The following PISD variants were observed in gnomAD, a reference collection of about 807,000 sequenced individuals.
The protein encoded by PISD is phosphatidylserine decarboxylase proenzyme, mitochondrial.
In PISD, 31 loss-of-function variants were observed where a neutral mutation model predicts 43.5. The observed-to-expected ratio is 0.71, with a 90% CI of 0.54 to 0.96. The LOEUF (loss-of-function observed/expected upper bound fraction) is 0.96. PISD is among the 40% of genes least tolerant of loss of function. The pLI, the probability that PISD is intolerant of heterozygous loss-of-function variation, is 0.00. For synonymous variants in PISD, 259 were observed against 228.7 expected (o/e 1.13, Z -1.20); for missense variants, 523 against 548.4 (o/e 0.95, Z 0.46).
chr22:31,662,537 C>G (rs1252203385), upstream of PISD: 5 of 390,088 alleles, frequency 1.3e-5, no homozygotes, highest in African/African-American at 2.1e-5. Context: ...CGAACTTGCT[C>G]ATTTTACGGA....
intron 3 of PISD, chr22:31,625,541 C>T (rs967711159): frequency 1.2e-5 from 7 of 593,848 alleles, no homozygotes; most frequent in African/African-American, 1.9e-5. Context: ...CTGGCAGCCT[C>T]CCCCTGCTGG....
At chr22:31,661,812 C>T (rs1409665916) in intron 1 of PISD, among the ~76,000 whole-genome samples, 1 of 152,124 alleles carries the variant, frequency 6.6e-6, no homozygotes, top group Non-Finnish European at 1.5e-5. Context: ...TCTACGAAAA[C>T]GAACACACGA....
intron 3 of PISD, among the ~76,000 whole-genome samples, chr22:31,634,539 C>G (rs1219512247): frequency 6.6e-6 from 1 of 152,184 alleles, no homozygotes; most frequent in African/African-American, 2.4e-5. Context: ...GGGTGGAATT[C>G]AGAAAAAGTG....
chr22:31,633,652 T>C (rs961418534), intron 3 of PISD, among the ~76,000 whole-genome samples: 1 of 151,072 alleles, frequency 6.6e-6, no homozygotes, highest in African/African-American at 2.4e-5. Flanking sequence ...GAGGTGGAGG[T>C]TGCAGTGAGC....
chr22:31,638,895 G>A (rs2073603440), intron 3 of PISD, among the ~76,000 whole-genome samples: 1 of 148,002 alleles, frequency 6.8e-6, no homozygotes, highest in South Asian at 2.2e-4. Context: ...TTTCAGCTGA[G>A]GTGGGAGGAT....
chr22:31,619,455 A>G lies in PISD; in HGVS notation c.*157T>C, dbSNP rs937468978. The G allele has an allele frequency of 4.3e-6, 3 of 700,380 alleles. No homozygotes were observed. The highest frequency in any genetic ancestry group is 5.2e-6 in the Non-Finnish European group (2 of 383,174). 43.4% of individuals were successfully genotyped at this position (700,380 alleles called of 1,614,324 possible). ...CGCCACCTCTTGTCTGCACCTCTGG[A>G]ACAGGTGGTAGCCGAATCATTCAAG... On this transcript the variant is annotated 3_prime_UTR_variant, in exon 8 of 8. Coordinates refer to ENST00000439502, the MANE Select transcript of PISD (RefSeq NM_001326411.2).
At chr22:31,654,421 C>T (rs1331369235) in intron 1 of PISD, among the ~76,000 whole-genome samples, 2 of 152,164 alleles carry the variant, frequency 1.3e-5, no homozygotes, top group Non-Finnish European at 2.9e-5. Flanking sequence ...GAACCATCCA[C>T]TGATGACTCC....
intron 3 of PISD, among the ~76,000 whole-genome samples, chr22:31,627,078 C>T (rs1041868759): frequency 7.2e-5 from 11 of 152,250 alleles, no homozygotes; most frequent in African/African-American, 2.4e-4. Context: ...AGATTCCGCC[C>T]GGGAACCTGC....
At chr22:31,636,206 T>C (rs2073428000) in intron 3 of PISD, among the ~76,000 whole-genome samples, 1 of 152,210 alleles carries the variant, frequency 6.6e-6, no homozygotes, top group Non-Finnish European at 1.5e-5. Flanking sequence ...TGCCTTATGC[T>C]TAGGCTGAAT....
In PISD at chr22:31,621,676, G is replaced by C. The variant is rs374628802; in HGVS notation, c.531C>G (p.Ala177=). 6.2e-7 allele frequency: 1 copy of C among 1,613,844 alleles called. No individual in the cohort carries two copies. Among genetic ancestry groups the C allele is most frequent in the Non-Finnish European group, 8.5e-7 (1 of 1,179,942 alleles). Reference sequence around the variant, plus strand: ...CGCTGTGCAGGCCACAGACAGGCCGGGCCTGCGGCTTCAGCTTGCGCCGGA... The same window carrying C: ...CGCTGTGCAGGCCACAGACAGGCCGCGCCTGCGGCTTCAGCTTGCGCCGGA... ...EFFRRKLKPQ[A]RPVCGLHSVI... Residue 177 remains alanine, a synonymous_variant, in exon 4 of 8, where the codon GCC becomes GCG. Transcript: ENST00000439502.
chr22:31,657,472 T>C (rs1182340190), intron 1 of PISD, among the ~76,000 whole-genome samples: 1 of 151,872 alleles, frequency 6.6e-6, no homozygotes, highest in East Asian at 1.9e-4. Flanking sequence ...TTAAATTATT[T>C]TTGACAATAG....
Position 31,650,761 on chromosome 22 carries a change from A to T in PISD, c.83T>A (p.Ile28Asn), listed in dbSNP as rs143321925. 1.9e-6 allele frequency: 3 copies of T among 1,553,596 alleles called. No homozygotes were observed. The highest frequency in any genetic ancestry group is 2.6e-6 in the Non-Finnish European group (3 of 1,148,046). The change falls in exon 2 of 8, where the codon ATC (isoleucine) becomes AAC (asparagine). Residue 28 changes from isoleucine to asparagine, a missense_variant. Ile to Asn is a moderately radical substitution (Grantham distance 149). Coordinates refer to ENST00000439502, the MANE Select transcript of PISD (RefSeq NM_001326411.2). ...CTGTAGGGATTGGCTCAGGGCAGTG[A>T]TCTCACAGGGATGGAGGCTATAACC... ...PWRSSLHPCE[I>N]TALSQSLQPL...
chr22:31,645,537 T>C (rs1258304719), intron 3 of PISD, among the ~76,000 whole-genome samples: 3 of 145,980 alleles, frequency 2.1e-5, no homozygotes, highest in Non-Finnish European at 3.0e-5. Context: ...AAACCCTGTC[T>C]CTTTTTTTTT....
intron 6 of PISD, 126 bp from the exon 7 acceptor site, chr22:31,620,839 G>GC: frequency 7.1e-7 from 1 of 1,408,238 alleles, no homozygotes; most frequent in Non-Finnish European, 9.6e-7. Flanking sequence ...AGCTGACTGG[G>GC]CCCCACGGTC....
rs758252783 is a variant in PISD at position 31,648,131 on chromosome 22, C to A, written c.291G>T (p.Glu97Asp). 9.6e-5 allele frequency: 155 copies of A among 1,611,988 alleles called. No homozygotes were observed. Among genetic ancestry groups the A allele is most frequent in the Non-Finnish European group, 1.3e-4 (150 of 1,179,810 alleles). Residue 97 changes from glutamate (E) to aspartate (D), a missense_variant, in exon 3 of 8, where the codon GAG becomes GAT. Glu to Asp is a conservative substitution (Grantham distance 45). Coordinates refer to ENST00000439502, the MANE Select transcript of PISD (RefSeq NM_001326411.2). ...RERELEKLGLEIPPKLAGHWE... is the reference protein window; with the variant it reads ...RERELEKLGLDIPPKLAGHWE... ...AGTGACCAGCAAGTTTGGGTGGAAT[C>A]TCCAATCCCAGCTTCTCCAGCTCTC...
intron 2 of PISD, 133 bp downstream of exon 2, chr22:31,650,566 T>G: frequency 1.9e-6 from 1 of 522,906 alleles, no homozygotes; most frequent in Non-Finnish European, 3.4e-6. Flanking sequence ...AACGCTTCAG[T>G]GATAACTGCA....
At chr22:31,626,197 G>C in intron 3 of PISD, 1 of 359,382 alleles carries the variant, frequency 2.8e-6, no homozygotes, top group Non-Finnish European at 4.4e-6. Flanking sequence ...AGCTGGCCTG[G>C]GGAGGCAGTA....
intron 3 of PISD, among the ~76,000 whole-genome samples, chr22:31,645,500 T>C (rs1446356565): frequency 1.4e-5 from 2 of 147,874 alleles, no homozygotes; most frequent in Non-Finnish European, 1.5e-5. Flanking sequence ...AGGTCAGGAG[T>C]TCGAGAGCAG....
chr22:31,638,403 A>G, intron 3 of PISD: 1 of 985,118 alleles, frequency 1.0e-6, no homozygotes, highest in Non-Finnish European at 1.2e-6. Flanking sequence ...GTGTCCACCA[A>G]ATGCCCTGGG....
Sources: gnomAD v4.1 joint callset for allele counts (sites outside exome capture counted in the v4.1 genomes callset) on GRCh38, gnomAD v4.1.1 for gene constraint, MANE v1.5 for transcripts, NCBI Gene and HGNC (gene_info 2026-07-23, HGNC 2026-07-21) for gene names.